The following CSMD1 variants were observed in gnomAD, a reference collection of about 807,000 sequenced individuals.
CSMD1 encodes CUB and sushi domain-containing protein 1.
Under a neutral mutation model 417.5 loss-of-function variants are expected in CSMD1, and 213 were observed. The observed-to-expected ratio is 0.51, with a 90% confidence interval of 0.46 to 0.57. The LOEUF (loss-of-function observed/expected upper bound fraction) is 0.57, where lower values mean the gene tolerates loss of function less well. CSMD1 is among the 20% of genes least tolerant of loss of function. The pLI is 0.00. For missense variants in CSMD1, 6,923 were observed against 4,529.7 expected, an observed-to-expected ratio of 1.53 and a Z score of -15.17; for synonymous variants, 2,862 against 1,736.8, an observed-to-expected ratio of 1.65 and a Z score of -16.11.
intron 5 of CSMD1, among the ~76,000 whole-genome samples, chr8:3,777,158 A>T (rs1392568700): frequency 4.0e-5 from 5 of 123,814 alleles, no homozygotes; most frequent in South Asian, 2.7e-4. Context: ...ACACACACAC[A>T]CATCATATAT....
intron 6 of CSMD1, among the ~76,000 whole-genome samples, chr8:3,753,471 G>A (rs1455334898): frequency 1.3e-5 from 2 of 152,154 alleles, no homozygotes; most frequent in African/African-American, 2.4e-5. Context: ...TTTCTTTTAA[G>A]ATTCATTGTG....
intron 19 of CSMD1, among the ~76,000 whole-genome samples, chr8:3,368,918 G>A (rs1484210560): frequency 6.6e-6 from 1 of 152,138 alleles, no homozygotes; most frequent in East Asian, 1.9e-4. Context: ...TTGGAAGTTG[G>A]ACAATCGCTT....
rs577333796 is a variant in CSMD1, at chr8:2,990,884, G to A, written c.8377+7127C>T. ...TTCGCATCTGTTAGCTGAGCTTATT[G>A]GTCAGAGGCATCATCCCAGGGAAGC... On this transcript the variant is annotated intron_variant, in intron 54 of 69. Transcript: ENST00000635120. Among the ~76,000 whole-genome samples, 3 of 152,314 alleles carry A rather than the reference G, an allele frequency of 2.0e-5. No homozygotes were observed. In the East Asian group the frequency reaches 5.8e-4, roughly 29 times the overall value.
At position 3,754,019 on chromosome 8, in the gene CSMD1, G is replaced by A. The variant is rs980351309; in HGVS notation, c.842C>T (p.Ser281Phe). The A allele has an allele frequency of 5.6e-6, 9 of 1,612,836 alleles. No individual in the cohort carries two copies. The highest frequency in any genetic ancestry group is 1.7e-5 in the Admixed American group (1 of 59,968). Residue 281 changes from serine to phenylalanine, a missense_variant, in exon 6 of 70, where the codon TCT becomes TTT. Ser to Phe is a radical substitution (Grantham distance 155). Transcript: ENST00000635120. ...CCAATTCTTGCTACTGATAACTGGA[G>A]AGGGGAGGTTCATGCCAGTTAGCCT... is the stretch of plus-strand genomic sequence containing the variant. ...SIWLTGMNLP[S>F]PVISSKNWLR...
At chr8:4,934,586 G>A (rs1046851216) in intron 1 of CSMD1, among the ~76,000 whole-genome samples, 1 of 152,066 alleles carries the variant, frequency 6.6e-6, no homozygotes, top group South Asian at 2.1e-4. Context: ...AAAGGACACA[G>A]GCCCAATATA....
At chr8:3,701,412 GT>G (rs1470540573) in intron 7 of CSMD1, among the ~76,000 whole-genome samples, 10 of 152,008 alleles carry the variant, frequency 6.6e-5, no homozygotes, top group Non-Finnish European at 1.2e-4. Context: ...GCGAAAGTCT[GT>G]CCCCGGGCTG....
intron 3 of CSMD1, among the ~76,000 whole-genome samples, chr8:4,146,734 C>G (rs939495839): frequency 3.4e-5 from 5 of 148,360 alleles, no homozygotes; most frequent in African/African-American, 1.0e-4. Flanking sequence ...GCCTCAGCCT[C>G]CAGAGGAGCT....
At chr8:3,345,410 G>C (rs12548148) in intron 22 of CSMD1, among the ~76,000 whole-genome samples, 3,666 of 152,184 alleles carry the variant, frequency 0.024, 79 homozygotes, top group East Asian at 0.083. Context: ...CAGAGAAAGT[G>C]TATGTCGTTG....
At chr8:3,881,376 C>T (rs1166546350) in intron 5 of CSMD1, among the ~76,000 whole-genome samples, 2 of 151,054 alleles carry the variant, frequency 1.3e-5, no homozygotes, top group Non-Finnish European at 2.9e-5. Flanking sequence ...TGGCTTATGC[C>T]TATAATCCCA....
At chr8:3,993,280 C>T (rs866634313) in intron 5 of CSMD1, among the ~76,000 whole-genome samples, 49 of 152,172 alleles carry the variant, frequency 3.2e-4, no homozygotes, top group African/African-American at 9.9e-4. Flanking sequence ...ATGATGCCTC[C>T]TTCCTTTAAT....
intron 5 of CSMD1, among the ~76,000 whole-genome samples, chr8:3,890,302 T>C (rs1195142371): frequency 1.3e-5 from 2 of 152,122 alleles, no homozygotes; most frequent in African/African-American, 4.8e-5. Flanking sequence ...TTGAAAAATA[T>C]TAATATTAAT....
intron 10 of CSMD1, among the ~76,000 whole-genome samples, chr8:3,528,877 A>G (rs1797863131): frequency 6.6e-6 from 1 of 152,232 alleles, no homozygotes; most frequent in African/African-American, 2.4e-5. Context: ...CTCTGTATGT[A>G]TTATAACTGT....
At chr8:4,180,062 G>A (rs1798267869) in intron 3 of CSMD1, among the ~76,000 whole-genome samples, 1 of 152,112 alleles carries the variant, frequency 6.6e-6, no homozygotes. Context: ...ATTTGACCCA[G>A]CCATCCCATT....
chr8:4,162,909 A>C (rs907485356), intron 3 of CSMD1, among the ~76,000 whole-genome samples: 1 of 151,936 alleles, frequency 6.6e-6, no homozygotes, highest in Admixed American at 6.6e-5. Context: ...CCTTCCTCCA[A>C]CCCTTTGCAA....
intron 15 of CSMD1, among the ~76,000 whole-genome samples, chr8:3,402,557 C>T (rs1178211527): frequency 6.6e-6 from 1 of 152,122 alleles, no homozygotes; most frequent in African/African-American, 2.4e-5. Flanking sequence ...GCCTGGCATC[C>T]AGAAAATTCT....
intron 7 of CSMD1, among the ~76,000 whole-genome samples, chr8:3,625,991 T>C (rs1044214584): frequency 5.3e-5 from 8 of 152,076 alleles, no homozygotes; most frequent in African/African-American, 1.9e-4. Context: ...ACACATAAAA[T>C]AAAAAATAGG....
At chr8:3,638,426 C>T (rs534501563) in intron 7 of CSMD1, among the ~76,000 whole-genome samples, 11 of 151,528 alleles carry the variant, frequency 7.3e-5, no homozygotes, top group Admixed American at 3.3e-4. Flanking sequence ...TTTTGCCCAC[C>T]GCAACTGCAC....
intron 56 of CSMD1, among the ~76,000 whole-genome samples, chr8:2,974,119 T>TAGAGGATGATGGC (rs879257160): frequency 0.021 from 3,042 of 148,238 alleles, 87 homozygotes; most frequent in Non-Finnish European, 0.026. Context: ...AGGATGATGG[T>TAGAGGATGATGGC]AGAGGGAGGG....
At chr8:3,670,683 GTATGGGATATATGTA>G (rs1300347954) in intron 7 of CSMD1, among the ~76,000 whole-genome samples, 20 of 141,446 alleles carry the variant, frequency 1.4e-4, no homozygotes, top group African/African-American at 5.2e-5. Context: ...GGTTATATAT[GTATGGGATATATGTA>G]TATGGGATAT....
Sources: gnomAD v4.1 joint callset for allele counts (sites outside exome capture counted in the v4.1 genomes callset) on GRCh38, gnomAD v4.1.1 for gene constraint, MANE v1.5 for transcripts, NCBI Gene and HGNC (gene_info 2026-07-23, HGNC 2026-07-21) for gene names.